Variants in DYNC2I1 observed in about 807,000 individuals in gnomAD.
DYNC2I1 encodes cytoplasmic dynein 2 intermediate chain 1.
Under a neutral mutation model 133.4 loss-of-function variants are expected in DYNC2I1, and 89 were observed. The ratio of observed to expected loss-of-function variants is 0.67; its 90% CI spans 0.56 to 0.80. DYNC2I1 has a LOEUF of 0.80. Ranked by LOEUF, DYNC2I1 falls within the 30% of genes least tolerant of loss-of-function variation. DYNC2I1 has a pLI of 0.00. For synonymous variants in DYNC2I1, 504 were observed against 484.3 expected, an observed-to-expected ratio of 1.04 and a Z score of -0.54; for missense variants, 1,291 against 1,314.5, an observed-to-expected ratio of 0.98 and a Z score of 0.28.
chr7:158,871,391 A>G lies in DYNC2I1; in HGVS notation c.319A>G (p.Lys107Glu). ...CCGGGAGAAAGAAAAGCTGAAGGAG[A>G]AACATCGAGAGGCAGAAAAGTCTCA... ...KDREKEKLKE[K>E]HREAEKSHSR... Residue 107 changes from lysine (K) to glutamate (E), a missense_variant, in exon 3 of 25, where the codon AAA becomes GAA. Lys to Glu is a moderately conservative substitution (Grantham distance 56). Transcript: ENST00000407559. 2 of 1,551,580 alleles carry G rather than the reference A, an allele frequency of 1.3e-6. No individual in the cohort carries two copies. Among genetic ancestry groups the G allele is most frequent in the South Asian group, 2.4e-5 (2 of 84,038 alleles).
At chr7:158,904,364 C>T (rs187916812) in intron 10 of DYNC2I1, 48 of 152,356 alleles carry the variant, frequency 3.2e-4, no homozygotes, top group Admixed American at 2.9e-3. Flanking sequence ...GGTGCTTGGA[C>T]TACTTGGTTA....
At chr7:158,939,471 C>A (rs1377663659) in intron 23 of DYNC2I1, among the ~76,000 whole-genome samples, 1 of 152,078 alleles carries the variant, frequency 6.6e-6, no homozygotes. Context: ...AATCACAATA[C>A]AAAAACCTAT....
intron 4 of DYNC2I1, among the ~76,000 whole-genome samples, chr7:158,953,585 T>C (rs1852116933): frequency 6.6e-6 from 1 of 152,090 alleles, no homozygotes; most frequent in South Asian, 2.1e-4. Context: ...ACCCTATCTC[T>C]ACAAATAAAC....
intron 20 of DYNC2I1, among the ~76,000 whole-genome samples, chr7:158,929,106 C>A (rs1432774879): frequency 6.6e-6 from 1 of 152,212 alleles, no homozygotes; most frequent in Non-Finnish European, 1.5e-5. Context: ...CTTCACTGAA[C>A]CACTTACCCA....
chr7:158,930,564 A>G (rs1850118683), intron 21 of DYNC2I1, 49 bp downstream of exon 21: 5 of 1,517,700 alleles, frequency 3.3e-6, no homozygotes, highest in Middle Eastern at 1.7e-4. Flanking sequence ...ACCTAGAAGG[A>G]AAATAACATT....
chr7:158,944,139 A>G (rs1164014100), intron 24 of DYNC2I1, among the ~76,000 whole-genome samples: 4 of 152,190 alleles, frequency 2.6e-5, no homozygotes, highest in African/African-American at 9.7e-5. Flanking sequence ...ATCTCTGACA[A>G]TGACTTACCC....
the DYNC2I1 span, among the ~76,000 whole-genome samples, chr7:158,842,617 A>G: frequency 2.0e-5 from 3 of 152,264 alleles, no homozygotes; most frequent in Admixed American, 2.0e-4. Flanking sequence ...TAGCTGTCAC[A>G]GACACCTTTC....
chr7:158,841,158 AATATATATATATATATATATATATATAT>A, the DYNC2I1 span, among the ~76,000 whole-genome samples: 4,755 of 66,476 alleles, frequency 0.072, 358 homozygotes, highest in Admixed American at 0.078. Context: ...TAGGTCTGCA[AATATATATATATATATATATATATATAT>A]ATATATATAT....
At position 158,856,706 on chromosome 7, in the gene DYNC2I1, C is replaced by T. The variant is rs1336213772; in HGVS notation, c.-30C>T. Reference sequence around the variant, plus strand: ...GACCGCGCCTGGCCGGGGCCGAGGACACCGCGGCCGCCCGGGCCTGCGGGA... The same window carrying T: ...GACCGCGCCTGGCCGGGGCCGAGGATACCGCGGCCGCCCGGGCCTGCGGGA... On this transcript the variant is annotated 5_prime_UTR_variant, in exon 1 of 25. Coordinates refer to ENST00000407559, the MANE Select transcript of DYNC2I1 (RefSeq NM_018051.5). 2 of 1,233,060 alleles carry T rather than the reference C, an allele frequency of 1.6e-6. No individual in the cohort carries two copies. Among genetic ancestry groups the T allele is most frequent in the African/African-American group, 1.6e-5 (1 of 64,454 alleles). The allele number at this position is 1,233,060 out of a possible 1,614,324, so 76.4% of individuals were successfully genotyped here. A position where few individuals can be genotyped will look rare whatever the true frequency, so the allele number is the denominator to read the frequency against.
chr7:158,936,243 G>C (rs566984255), intron 23 of DYNC2I1, among the ~76,000 whole-genome samples: 230 of 152,258 alleles, frequency 1.5e-3, no homozygotes, highest in African/African-American at 4.0e-3. Context: ...GTGATTTCCA[G>C]TGTGGAGCTC....
chr7:158,908,863 T>G (rs999103184), intron 11 of DYNC2I1, among the ~76,000 whole-genome samples: 2 of 152,150 alleles, frequency 1.3e-5, no homozygotes, highest in Non-Finnish European at 2.9e-5. Flanking sequence ...TCTCTTACAT[T>G]ATTCCCCAGT....
At position 158,879,802 on chromosome 7, in the gene DYNC2I1, G is replaced by A; in HGVS notation, c.692G>A (p.Ser231Asn). Reference sequence around the variant, plus strand: ...CGAGACAACAAACACCGAGAAAAAAGCAGCACAAGGGAAAAAAGAGAGAAA... The same window carrying A: ...CGAGACAACAAACACCGAGAAAAAAACAGCACAAGGGAAAAAAGAGAGAAA... ...PDRDNKHREK[S>N]STREKREKYS... is the part of the protein sequence containing the mutation. Residue 231 changes from serine to asparagine, a missense_variant, in exon 5 of 25, where the codon AGC becomes AAC. Ser to Asn is a conservative substitution (Grantham distance 46). Transcript: ENST00000407559. 6 of 1,612,696 alleles carry A rather than the reference G, an allele frequency of 3.7e-6. No individual in the cohort carries two copies. The highest frequency in any genetic ancestry group is 5.1e-6 in the Non-Finnish European group (6 of 1,179,506).
intron 11 of DYNC2I1, among the ~76,000 whole-genome samples, chr7:158,910,206 A>G (rs145931936): frequency 2.5e-4 from 38 of 152,380 alleles, no homozygotes; most frequent in African/African-American, 9.1e-4. Flanking sequence ...AGCACAGGCG[A>G]TGGAAAAGGA....
intron 4 of DYNC2I1, 130 bp from the exon 5 acceptor site, chr7:158,879,554 C>CA: frequency 1.0e-6 from 1 of 958,070 alleles, no homozygotes; most frequent in Non-Finnish European, 1.5e-6. Context: ...TTACTACAGA[C>CA]ACGATTTTCT....
Position 158,926,168 on chromosome 7 carries a change from G to A in DYNC2I1, c.2258-19G>A. The A allele has an allele frequency of 1.9e-6, 3 of 1,588,986 alleles. No homozygotes were observed. The highest frequency in any genetic ancestry group is 1.7e-6 in the Non-Finnish European group (2 of 1,160,040). Reference sequence around the variant, plus strand: ...AACTTACTACTTACACGTGGATGCTGTGGGCTTTTGAACTCCAGATGGAAT... The same window carrying A: ...AACTTACTACTTACACGTGGATGCTATGGGCTTTTGAACTCCAGATGGAAT... On this transcript the variant is annotated intron_variant, in intron 17 of 24. Transcript: ENST00000407559.
At position 158,911,571 on chromosome 7, in the gene DYNC2I1, T is replaced by C; in HGVS notation, c.1482T>C (p.Leu494=). Residue 494 remains leucine, a synonymous_variant, in exon 12 of 25, where the codon CTT becomes CTC. Transcript: ENST00000407559. Reference sequence around the variant, plus strand: ...AAAGGATGCGAAGTACAAAACTGCTTCGGCTCATTGACTTAGATTTTTCAT... The same window carrying C: ...AAAGGATGCGAAGTACAAAACTGCTCCGGCTCATTGACTTAGATTTTTCAT... ...LKQKMRSTKL[L]RLIDLDFSFT... 6.2e-7 allele frequency: 1 copy of C among 1,613,604 alleles called. No homozygotes were observed. Among genetic ancestry groups the C allele is most frequent in the Non-Finnish European group, 8.5e-7 (1 of 1,179,768 alleles).
chr7:158,954,701 G>A (rs1194109749), intron 4 of DYNC2I1, among the ~76,000 whole-genome samples: 1 of 152,124 alleles, frequency 6.6e-6, no homozygotes, highest in Non-Finnish European at 1.5e-5. Context: ...ATATATTGAA[G>A]ACAACTGAAA....
intron 17 of DYNC2I1, among the ~76,000 whole-genome samples, chr7:158,925,908 C>T (rs951257890): frequency 6.6e-5 from 10 of 152,148 alleles, no homozygotes; most frequent in African/African-American, 2.4e-4. Flanking sequence ...GTGGCATGCT[C>T]TGTTTGGATG....
chr7:158,897,928 T>C (rs1845900686), intron 8 of DYNC2I1, among the ~76,000 whole-genome samples: 1 of 152,226 alleles, frequency 6.6e-6, no homozygotes, highest in Non-Finnish European at 1.5e-5. Flanking sequence ...ATTCCACAAA[T>C]TCTGATAAGT....
Sources: gnomAD v4.1 joint callset for allele counts (sites outside exome capture counted in the v4.1 genomes callset) on GRCh38, gnomAD v4.1.1 for gene constraint, MANE v1.5 for transcripts, NCBI Gene and HGNC (gene_info 2026-07-23, HGNC 2026-07-21) for gene names.